The following ADCY6 variants were observed in gnomAD, a reference collection of about 807,000 sequenced individuals.
ADCY6 encodes the protein adenylate cyclase 6, also known as adenylate cyclase type 6.
Under a neutral mutation model 111.6 loss-of-function variants are expected in ADCY6, and 59 were observed. The ratio of observed to expected loss-of-function variants is 0.53; its 90% confidence interval spans 0.43 to 0.66. The LOEUF (loss-of-function observed/expected upper bound fraction) is 0.66. Among genes scored for constraint, ADCY6 ranks in the 30% least tolerant of loss-of-function variants. The pLI is 0.00. For missense variants in ADCY6, 1,242 were observed against 1,595.6 expected (o/e 0.78, Z 3.78); for synonymous variants, 576 against 642.9 (o/e 0.90, Z 1.57).
intron 10 of ADCY6, 108 bp from the exon 11 acceptor site, chr12:48,775,558 G>T: frequency 1.3e-6 from 2 of 1,572,346 alleles, no homozygotes; most frequent in African/African-American, 2.7e-5. Context: ...GAGCCAGGGG[G>T]GTGGCTCCTG....
chr12:48,773,805 G>A (rs1941618476), intron 15 of ADCY6, 135 bp downstream of exon 15: 1 of 1,444,244 alleles, frequency 6.9e-7, no homozygotes. Flanking sequence ...CAACACACCA[G>A]GGCCCCTGGT....
At chr12:48,773,833 A>C in intron 15 of ADCY6, 107 bp downstream of exon 15, 1 of 1,493,532 alleles carries the variant, frequency 6.7e-7, no homozygotes, top group South Asian at 1.2e-5. Flanking sequence ...AGTGTGGGAG[A>C]CTCTGGTGAG....
chr12:48,773,632 T>C lies in ADCY6; in HGVS notation c.2458A>G (p.Met820Val), dbSNP rs1194443427. ...GAGCTGGCCAAGAGACTCAGCAGCATGTTCCCGATGAAGTACTGCGGGGGT... is the reference window on the plus strand; with the variant it reads ...GAGCTGGCCAAGAGACTCAGCAGCACGTTCCCGATGAAGTACTGCGGGGGT... ...CSFPEYFIGN[M>V]LLSLLASSVF... Residue 820 changes from methionine (M) to valine (V), a missense_variant, in exon 16 of 22, where the codon ATG becomes GTG. Around this residue, in one of 4 missense-constraint regions of ADCY6, gnomAD observed 375 missense variants for 432.5 expected, o/e 0.87. Transcript: ENST00000357869. The C allele has an allele frequency of 6.2e-7, 1 of 1,614,056 alleles. No homozygotes were observed. Among genetic ancestry groups the C allele is most frequent in the Non-Finnish European group, 8.5e-7 (1 of 1,180,006 alleles).
At position 48,776,375 on chromosome 12, in the gene ADCY6, C is replaced by G. The variant is rs1392151793; in HGVS notation, c.1536-25G>C. On this transcript the variant is annotated intron_variant, in intron 7 of 21. Transcript: ENST00000357869. This position sits in a 1 kb window ranked among gnomAD's most constrained non-coding sequence, Gnocchi z 6.1. ...GCTGTATGTGGCCAAGAGGGTGAGA[C>G]CCTGGCTCTCCCACCTTGCCCCCAT... is the stretch of plus-strand genomic sequence containing the variant. 1.9e-6 allele frequency: 3 copies of G among 1,614,034 alleles called. No individual in the cohort carries two copies. The South Asian group carries it at 3.3e-5, about 18-fold the overall frequency.
intron 20 of ADCY6, among the ~76,000 whole-genome samples, chr12:48,769,776 G>C (rs1331562790): frequency 1.6e-5 from 1 of 64,098 alleles, no homozygotes; most frequent in Non-Finnish European, 3.3e-5. Context: ...TTTTTTTTTT[G>C]GGGGGGACAG....
Position 48,782,882 on chromosome 12 carries a change from C to T in ADCY6, c.553G>A (p.Ala185Thr). Residue 185 changes from alanine (A) to threonine (T), a missense_variant, in exon 2 of 22, where the codon GCC becomes ACC. Coordinates refer to ENST00000357869, the MANE Select transcript of ADCY6 (RefSeq NM_015270.5). This position sits in a 1 kb window ranked among gnomAD's most constrained non-coding sequence, Gnocchi z 4.3. ...CCCACGAACAGGGCGGCGGCACAGGCCAACAGTGCCACATAGGCAGGCTGA... is the reference window on the plus strand; with the variant it reads ...CCCACGAACAGGGCGGCGGCACAGGTCAACAGTGCCACATAGGCAGGCTGA... ...RPQPAYVALL[A>T]CAAALFVGLM... 1.2e-6 allele frequency: 2 copies of T among 1,613,976 alleles called. No individual in the cohort carries two copies. The highest frequency in any genetic ancestry group is 1.7e-6 in the Non-Finnish European group (2 of 1,179,950).
chr12:48,775,527 A>G (rs1941673008), intron 10 of ADCY6, 77 bp from the exon 11 acceptor site: 1 of 1,596,856 alleles, frequency 6.3e-7, no homozygotes, highest in African/African-American at 1.3e-5. Flanking sequence ...AGGTATGGAC[A>G]GCACCTGAGG....
At chr12:48,789,763 G>T (rs1419688315), upstream of ADCY6, 1 of 151,870 alleles carries the variant, frequency 6.6e-6, no homozygotes, top group African/African-American at 2.4e-5. Flanking sequence ...CGGCCCCGAG[G>T]CGAACCTCGG....
Position 48,770,679 on chromosome 12 carries a change from A to T in ADCY6, c.3256+87T>A. The T allele has an allele frequency of 2.2e-6, 3 of 1,370,662 alleles. No homozygotes were observed. The South Asian group carries it at 3.7e-5, about 17-fold the overall frequency. 84.9% of individuals were successfully genotyped at this position (1,370,662 alleles called of 1,614,324 possible). ...AAACCCCACAGGAGCCCTGATGGGA[A>T]ATCTGTGATCCCATCCCCAGCCTAT... On this transcript the variant is annotated intron_variant, in intron 20 of 21. Coordinates refer to ENST00000357869, the MANE Select transcript of ADCY6 (RefSeq NM_015270.5).
chr12:48,774,924 G>A (rs1225088368), intron 12 of ADCY6, 33 bp downstream of exon 12: 4 of 1,539,088 alleles, frequency 2.6e-6, no homozygotes, highest in Non-Finnish European at 8.8e-7. Context: ...GTGGTGAAGA[G>A]AGAAGCTAAG....
rs1408065132 is a variant in ADCY6, at chr12:48,768,994, C to T, written c.3324G>A (p.Gly1108=). The part of the protein sequence containing the change: ...GARKPQYDIW[G]NTVNVSSRMD... ...TACGACTAGAGACATTCACTGTGTT[C>T]CCCCAGATGTCATACTGTGGCTTCC... The change falls in exon 21 of 22, where the codon GGG becomes GGA. Residue 1108 remains glycine, a synonymous_variant. Transcript: ENST00000357869. The T allele has an allele frequency of 7.4e-6, 12 of 1,613,994 alleles. No individual in the cohort carries two copies. Among genetic ancestry groups the T allele is most frequent in the South Asian group, 1.1e-5 (1 of 91,006 alleles).
intron 16 of ADCY6, 102 bp from the exon 17 acceptor site, chr12:48,772,645 G>C (rs1425672911): frequency 1.3e-5 from 18 of 1,382,230 alleles, no homozygotes; most frequent in Non-Finnish European, 9.1e-6. Context: ...AGCACATACT[G>C]TAAGTCAGGC....
intron 2 of ADCY6, among the ~76,000 whole-genome samples, chr12:48,779,777 C>T (rs780780038): frequency 6.6e-6 from 1 of 152,190 alleles, no homozygotes; most frequent in Non-Finnish European, 1.5e-5. Flanking sequence ...AGCAGAAGCA[C>T]TTCCTGGAAG....
intron 1 of ADCY6, among the ~76,000 whole-genome samples, chr12:48,785,296 G>A (rs942762321): frequency 9.9e-5 from 15 of 152,190 alleles, no homozygotes; most frequent in African/African-American, 3.1e-4. Context: ...GCTCACTGCT[G>A]TATCCACAAC....
chr12:48,773,440 G>C (rs1291937861), intron 16 of ADCY6, 29 bp downstream of exon 16: 2 of 1,607,402 alleles, frequency 1.2e-6, no homozygotes. Flanking sequence ...AAGCTCCTGG[G>C]GTATTAAAGG....
At chr12:48,772,454 C>T in intron 17 of ADCY6, 30 bp from the exon 18 acceptor site, 1 of 1,614,170 alleles carries the variant, frequency 6.2e-7, no homozygotes, top group Non-Finnish European at 8.5e-7. Context: ...TGCTTGGTGT[C>T]TGAAGGAGGC....
intron 10 of ADCY6, 29 bp downstream of exon 10, chr12:48,775,644 C>G: frequency 1.2e-6 from 2 of 1,607,740 alleles, no homozygotes; most frequent in Non-Finnish European, 1.7e-6. Context: ...GGTGCAAGTG[C>G]CTTCTCCCTC....
chr12:48,778,371 C>T, intron 2 of ADCY6, 114 bp from the exon 3 acceptor site: 2 of 1,366,606 alleles, frequency 1.5e-6, no homozygotes, highest in South Asian at 1.3e-5. Context: ...CAGGGTCCTG[C>T]ACCCTGTCTG....
At chr12:48,769,195 CA>C in intron 20 of ADCY6, 134 bp from the exon 21 acceptor site, 3 of 968,798 alleles carry the variant, frequency 3.1e-6, no homozygotes, top group Non-Finnish European at 4.3e-6. Flanking sequence ...TTGTAAAGAA[CA>C]ATCTAGTTCA....
Sources: allele counts gnomAD v4.1 joint callset (sites outside exome capture counted in the v4.1 genomes callset), GRCh38; gene constraint gnomAD v4.1.1; regional missense constraint gnomAD v4.1.1; non-coding constraint Gnocchi (gnomAD v3.1); transcripts MANE v1.5; gene names NCBI Gene and HGNC (gene_info 2026-07-23, HGNC 2026-07-21).